Variants in BAIAP2L2 observed in about 807,000 individuals in gnomAD.
BAIAP2L2 encodes BAR/IMD domain-containing adapter protein 2-like 2.
In BAIAP2L2, 65 loss-of-function variants were observed where a neutral mutation model predicts 60.4. The ratio of observed to expected loss-of-function variants is 1.08; its 90% CI spans 0.88 to 1.32. BAIAP2L2 has a LOEUF of 1.32. BAIAP2L2 is among the 40% of genes most tolerant of loss of function. The pLI is 0.00. For missense variants in BAIAP2L2, 836 were observed against 741.2 expected (o/e 1.13, Z -1.48); for synonymous variants, 344 against 301.7 (o/e 1.14, Z -1.45).
Position 38,109,183 on chromosome 22 carries a change from G to A in BAIAP2L2, c.77C>T (p.Ala26Val). The A allele has an allele frequency of 1.2e-6, 2 of 1,613,084 alleles. No individual in the cohort carries two copies. Among genetic ancestry groups the A allele is most frequent in the Non-Finnish European group, 8.5e-7 (1 of 1,179,544 alleles). Reference sequence around the variant, plus strand: ...GCCCAGGTACACCAGGTTCTCCAGGGCGGGGTTAAACTGCTCCATGATGCT... The same window carrying A: ...GCCCAGGTACACCAGGTTCTCCAGGACGGGGTTAAACTGCTCCATGATGCT... ...YKSIMEQFNP[A>V]LENLVYLGNN... The change falls in exon 2 of 14, where the codon GCC becomes GTC. Residue 26 changes from alanine to valine, a missense_variant. Ala to Val is a moderately conservative substitution (Grantham distance 64). Coordinates refer to ENST00000381669, the MANE Select transcript of BAIAP2L2 (RefSeq NM_025045.6).
At chr22:38,092,428 C>T (rs1270462169) in intron 7 of BAIAP2L2, among the ~76,000 whole-genome samples, 1 of 152,046 alleles carries the variant, frequency 6.6e-6, no homozygotes, top group Non-Finnish European at 1.5e-5. Flanking sequence ...AGTCATCCGC[C>T]ACCATTCCTG....
rs1555961923 is a variant in BAIAP2L2, at chr22:38,087,164, G to GTGTCATGGGTGTCAT, written c.1218_1219insATGACACCCATGACA (p.Ser406_Pro407insMetThrProMetThr). On this transcript the variant is annotated inframe_insertion, in exon 11 of 14. Coordinates refer to ENST00000381669, the MANE Select transcript of BAIAP2L2 (RefSeq NM_025045.6). ...TTCCCGGGGTTCATGGGTGTCATGG[G>GTGTCATGGGTGTCAT]GGACATGGAGGTCATGGAGGTCATG... 7 of 1,564,464 alleles carry GTGTCATGGGTGTCAT rather than the reference G, an allele frequency of 4.5e-6. No homozygotes were observed. Among genetic ancestry groups the GTGTCATGGGTGTCAT allele is most frequent in the Non-Finnish European group, 6.1e-6 (7 of 1,147,280 alleles).
rs199960597 is a variant in BAIAP2L2 at position 38,097,189 on chromosome 22, A to T, written c.466-11T>A. On this transcript the variant is annotated splice_polypyrimidine_tract_variant and intron_variant, in intron 6 of 13. Coordinates refer to ENST00000381669, the MANE Select transcript of BAIAP2L2 (RefSeq NM_025045.6). ...CCGGTTCACACTCTCCTGGGGGGGA[A>T]CGGGAGTTCTGGCTGGGGGCGGTGG... is the stretch of plus-strand genomic sequence containing the variant. 6.2e-7 allele frequency: 1 copy of T among 1,609,798 alleles called. No homozygotes were observed. The highest frequency in any genetic ancestry group is 1.7e-5 in the Admixed American group (1 of 59,962).
intron 4 of BAIAP2L2, among the ~76,000 whole-genome samples, chr22:38,107,597 T>A (rs547126240): frequency 1.3e-5 from 2 of 152,262 alleles, no homozygotes; most frequent in East Asian, 3.9e-4. Flanking sequence ...CACTCTGGCA[T>A]CTCAGGCAAT....
At chr22:38,094,618 A>G (rs756654525) in intron 7 of BAIAP2L2, among the ~76,000 whole-genome samples, 8 of 152,212 alleles carry the variant, frequency 5.3e-5, no homozygotes, top group Non-Finnish European at 8.8e-5. Context: ...TATGTGAATT[A>G]TATCTCAATA....
rs779356293 is a variant in BAIAP2L2, at chr22:38,088,718, AC to A, written c.1118+29del. ...GCCCCCAGGGCCTTCTTCTCAACCC[AC>A]CCCCGGCCCCTCCAAGGCTCCCACT... On this transcript the variant is annotated intron_variant, in intron 10 of 13. Transcript: ENST00000381669. 3.2e-5 allele frequency: 28 copies of A among 864,580 alleles called. 1 individual carries two copies. Among genetic ancestry groups the A allele is most frequent in the African/African-American group, 1.9e-4 (11 of 57,204 alleles). 53.6% of individuals were successfully genotyped at this position (864,580 alleles called of 1,614,324 possible). A position where few individuals can be genotyped will look rare whatever the true frequency, so the allele number is the denominator to read the frequency against.
intron 10 of BAIAP2L2, among the ~76,000 whole-genome samples, 170 bp from the exon 11 acceptor site, chr22:38,087,434 T>C (rs1182804742): frequency 6.6e-6 from 1 of 152,134 alleles, no homozygotes; most frequent in Admixed American, 6.5e-5. Flanking sequence ...TGCCTACTGA[T>C]AATAACACAC....
chr22:38,100,857 A>G (rs1423959029), intron 4 of BAIAP2L2, among the ~76,000 whole-genome samples: 3 of 152,264 alleles, frequency 2.0e-5, no homozygotes, highest in Admixed American at 6.5e-5. Flanking sequence ...GAAAGAAGCT[A>G]GACACAAAAG....
At chr22:38,099,155 T>C (rs2086512171) in intron 4 of BAIAP2L2, among the ~76,000 whole-genome samples, 1 of 152,222 alleles carries the variant, frequency 6.6e-6, no homozygotes, top group Non-Finnish European at 1.5e-5. Context: ...TTCGTCCTCA[T>C]TCTAGTTCTG....
At chr22:38,095,339 G>A (rs1376635528) in intron 7 of BAIAP2L2, among the ~76,000 whole-genome samples, 1 of 152,094 alleles carries the variant, frequency 6.6e-6, no homozygotes, top group Admixed American at 6.6e-5. Context: ...AATAGTTGGA[G>A]GGCAGGAAAA....
intron 7 of BAIAP2L2, among the ~76,000 whole-genome samples, chr22:38,092,135 A>G (rs77357988): frequency 0.017 from 2,586 of 152,330 alleles, 74 homozygotes; most frequent in African/African-American, 0.059. Context: ...GCTGCAGTAA[A>G]CGAGAGAAGC....
intron 2 of BAIAP2L2, 115 bp downstream of exon 2, chr22:38,109,018 G>T: frequency 1.1e-6 from 1 of 899,350 alleles, no homozygotes. Context: ...GTGGGTAGGA[G>T]GGTGTAGGGT....
At position 38,105,375 on chromosome 22, in the gene BAIAP2L2, C is replaced by T. The variant is rs376310740; in HGVS notation, c.276+2477G>A. 3.7e-3 allele frequency among the ~76,000 whole-genome samples: 540 copies of T among 146,910 alleles called. 5 individuals carry two copies. Among genetic ancestry groups the T allele is most frequent in the African/African-American group, 0.013 (501 of 39,648 alleles). On this transcript the variant is annotated intron_variant, in intron 4 of 13. Transcript: ENST00000381669. ...TTTTTTTTTTGAGACAGAGTCTCAC[C>T]GTCACCCAGGCTGGAGTGCTGTGGT...
chr22:38,086,341 TGGGGTGCG>T lies in BAIAP2L2; in HGVS notation c.1360_1367del (p.Arg454LysfsTer31). 6.9e-7 allele frequency: 1 copy of T among 1,459,770 alleles called. No homozygotes were observed. The highest frequency in any genetic ancestry group is 9.4e-7 in the Non-Finnish European group (1 of 1,063,374). 90.4% of individuals were successfully genotyped at this position (1,459,770 alleles called of 1,614,324 possible). On this transcript the variant is annotated frameshift_variant, in exon 12 of 14. Coordinates refer to ENST00000381669, the MANE Select transcript of BAIAP2L2 (RefSeq NM_025045.6). LOFTEE classifies it high-confidence loss of function. ...TGGGGGCACGGCTTGGCACCCGGCT[TGGGGTGCG>T]GGAGCGGGACTGGCCATCCCAGTAC... is the stretch of plus-strand genomic sequence containing the variant.
At chr22:38,086,650 G>C (rs977544661) in intron 11 of BAIAP2L2, among the ~76,000 whole-genome samples, 1 of 152,018 alleles carries the variant, frequency 6.6e-6, no homozygotes, top group African/African-American at 2.4e-5. Flanking sequence ...AGAGAGAGGG[G>C]CTCAGGGCCG....
At chr22:38,108,973 G>T (rs1024872488) in intron 2 of BAIAP2L2, among the ~76,000 whole-genome samples, 160 bp downstream of exon 2, 1 of 151,098 alleles carries the variant, frequency 6.6e-6, no homozygotes, top group Non-Finnish European at 1.5e-5. Context: ...GGTGCATAAG[G>T]CCTCTCTGGC....
intron 4 of BAIAP2L2, 133 bp from the exon 5 acceptor site, chr22:38,098,615 A>G (rs533578477): frequency 3.2e-6 from 2 of 625,374 alleles, no homozygotes; most frequent in East Asian, 5.5e-5. Context: ...CACCTGTCAG[A>G]GAAACGGAGA....
chr22:38,085,722 G>C lies in BAIAP2L2; in HGVS notation c.1478C>G (p.Ser493Cys), dbSNP rs368625419. ...AVATDVKKLM[S>C]SEQYPPQELF... is the part of the protein sequence containing the mutation. ...CTCCTGTGGTGGGTACTGCTCTGAGGACATCAGTTTCTGCAGTGGGGGTGG... is the reference window on the plus strand; with the variant it reads ...CTCCTGTGGTGGGTACTGCTCTGAGCACATCAGTTTCTGCAGTGGGGGTGG... Residue 493 changes from serine (S) to cysteine (C), a missense_variant, in exon 13 of 14, where the codon TCC (serine) becomes TGC (cysteine). Physicochemically the swap from Ser to Cys is moderately radical, Grantham distance 112. Transcript: ENST00000381669. 6.2e-7 allele frequency: 1 copy of C among 1,602,612 alleles called. No individual in the cohort carries two copies. The highest frequency in any genetic ancestry group is 1.3e-5 in the African/African-American group (1 of 74,328).
intron 2 of BAIAP2L2, among the ~76,000 whole-genome samples, 185 bp from the exon 3 acceptor site, chr22:38,108,526 G>A (rs1749226138): frequency 6.6e-6 from 1 of 152,176 alleles, no homozygotes; most frequent in African/African-American, 2.4e-5. Flanking sequence ...TGAGGGCTGG[G>A]GGCAGGGAGG....
Sources: allele counts gnomAD v4.1 joint callset (sites outside exome capture counted in the v4.1 genomes callset), GRCh38; gene constraint gnomAD v4.1.1; transcripts MANE v1.5; gene names NCBI Gene and HGNC (gene_info 2026-07-23, HGNC 2026-07-21).